The following SLC9A7 variants were observed in gnomAD, a reference collection of about 807,000 sequenced individuals.
The protein encoded by SLC9A7 is solute carrier family 9 member A7, also known as sodium/hydrogen exchanger 7.
SLC9A7 carries 19 observed loss-of-function variants against 52.6 expected under a neutral mutation model. That is an observed-to-expected ratio of 0.36 (90% CI 0.25 to 0.53). The LOEUF is 0.53. Among genes scored for constraint, SLC9A7 ranks in the 20% least tolerant of loss-of-function variants. The pLI is 0.91. For synonymous variants in SLC9A7, 226 were observed against 252.1 expected, an observed-to-expected ratio of 0.90 and a Z score of 0.98; for missense variants, 455 against 597.9, an observed-to-expected ratio of 0.76 and a Z score of 2.49.
chrX:46,711,709 A>T (rs1268759346), intron 1 of SLC9A7, among the ~76,000 whole-genome samples: 2 of 110,987 alleles, frequency 1.8e-5, no homozygotes, highest in Non-Finnish European at 3.8e-5. Context: ...TTTCCTTCAC[A>T]GAAGAGTCAG....
chrX:46,663,471 T>C (rs1444617035), intron 5 of SLC9A7, among the ~76,000 whole-genome samples: 1 of 103,774 alleles, frequency 9.6e-6, no homozygotes, highest in Non-Finnish European at 1.9e-5. Flanking sequence ...AAGCCCCGTC[T>C]CTACTAAAAA....
At chrX:46,743,494 C>T (rs73495122) in intron 1 of SLC9A7, among the ~76,000 whole-genome samples, 4 of 112,011 alleles carry the variant, frequency 3.6e-5, no homozygotes, top group African/African-American at 9.7e-5. Context: ...GCATATGTGC[C>T]GCTACATTTA....
rs1167274308 is a variant in SLC9A7 at position 46,601,906 on chromosome X, A to G, written c.*5046T>C. 1 of 112,044 alleles carries G rather than the reference A, an allele frequency of 8.9e-6. No homozygotes were observed. The highest frequency in any genetic ancestry group is 3.2e-5 in the African/African-American group (1 of 30,834). The allele number at this position is 112,044 out of a possible 1,213,427, so 9.2% of individuals were successfully genotyped here. A position where few individuals can be genotyped will look rare whatever the true frequency, so the allele number is the denominator to read the frequency against. ...CACCACCATCACCATGTGATAGCAAAGGACCACAACCTTCTACTTTGCTCC... is the reference window on the plus strand; with the variant it reads ...CACCACCATCACCATGTGATAGCAAGGGACCACAACCTTCTACTTTGCTCC... On this transcript the variant is annotated 3_prime_UTR_variant, in exon 17 of 17. Transcript: ENST00000616978.
intron 8 of SLC9A7, 71 bp from the exon 9 acceptor site, chrX:46,651,475 A>T: frequency 1.1e-6 from 1 of 881,525 alleles, no homozygotes. Flanking sequence ...ACCCTGCTAG[A>T]ACAAAAAGTT....
At chrX:46,626,377 C>T (rs1053320730) in intron 14 of SLC9A7, among the ~76,000 whole-genome samples, 47 of 111,465 alleles carry the variant, frequency 4.2e-4, no homozygotes, top group African/African-American at 1.5e-3. Context: ...CGGGATCAAG[C>T]GATTCTCCTG....
intron 12 of SLC9A7, 27 bp downstream of exon 12, chrX:46,643,209 C>A (rs199730824): frequency 8.5e-7 from 1 of 1,182,055 alleles, no homozygotes; most frequent in Admixed American, 2.2e-5. Context: ...AACTGACATA[C>A]TCAATTAGCC....
At chrX:46,680,712 A>G (rs1278202466) in intron 2 of SLC9A7, among the ~76,000 whole-genome samples, 13 of 112,772 alleles carry the variant, frequency 1.2e-4, no homozygotes, top group Non-Finnish European at 2.2e-4. Flanking sequence ...AAACATGCTA[A>G]TCTTTTTAAA....
intron 1 of SLC9A7, among the ~76,000 whole-genome samples, chrX:46,738,431 C>T (rs1921046326): frequency 8.9e-6 from 1 of 112,085 alleles, no homozygotes; most frequent in African/African-American, 3.2e-5. Flanking sequence ...AGGAATTTTT[C>T]AAGAACTGCC....
At chrX:46,673,007 G>A (rs1469234770) in intron 3 of SLC9A7, among the ~76,000 whole-genome samples, 1 of 111,838 alleles carries the variant, frequency 8.9e-6, no homozygotes, top group African/African-American at 3.3e-5. Flanking sequence ...CAGTTCTGGT[G>A]GTACCTCAGA....
At chrX:46,711,706 C>T (rs928845327) in intron 1 of SLC9A7, among the ~76,000 whole-genome samples, 3 of 110,905 alleles carry the variant, frequency 2.7e-5, no homozygotes. Flanking sequence ...CTCTTTCCTT[C>T]ACAGAAGAGT....
intron 14 of SLC9A7, among the ~76,000 whole-genome samples, chrX:46,625,713 C>CA (rs756504189): frequency 0.019 from 840 of 44,790 alleles, 13 homozygotes; most frequent in African/African-American, 0.056. Flanking sequence ...GTCTCTCTCT[C>CA]AAAAAAAAAA....
chrX:46,609,175 T>C (rs762690375), intron 16 of SLC9A7, among the ~76,000 whole-genome samples: 4 of 111,709 alleles, frequency 3.6e-5, no homozygotes, highest in Non-Finnish European at 5.6e-5. Flanking sequence ...AAACACAGGA[T>C]AACTGCAGGT....
At chrX:46,629,024 T>C (rs2146720063) in intron 14 of SLC9A7, among the ~76,000 whole-genome samples, 1 of 112,436 alleles carries the variant, frequency 8.9e-6, no homozygotes, top group East Asian at 2.8e-4. Context: ...GAAGTTTGCA[T>C]GTTTTTCCCC....
chrX:46,635,761 GA>G (rs1943309304), intron 12 of SLC9A7, 113 bp from the exon 13 acceptor site: 1 of 533,830 alleles, frequency 1.9e-6, no homozygotes, highest in African/African-American at 2.3e-5. Flanking sequence ...CTTTCAATAT[GA>G]ATCCATATCT....
chrX:46,716,805 TA>T (rs1175517651), intron 1 of SLC9A7, among the ~76,000 whole-genome samples: 1 of 112,466 alleles, frequency 8.9e-6, no homozygotes, highest in Non-Finnish European at 1.9e-5. Flanking sequence ...TTTATTTATT[TA>T]TTTTTTCCTG....
intron 13 of SLC9A7, among the ~76,000 whole-genome samples, chrX:46,633,428 C>A (rs755086313): frequency 1.1e-5 from 1 of 90,025 alleles, no homozygotes; most frequent in East Asian, 3.7e-4. Flanking sequence ...CTTTTTTTCC[C>A]CTATTCAAGG....
At chrX:46,659,317 C>T (rs2146806333) in intron 7 of SLC9A7, among the ~76,000 whole-genome samples, 1 of 100,700 alleles carries the variant, frequency 9.9e-6, no homozygotes, top group South Asian at 4.9e-4. Flanking sequence ...TGGCACAAGA[C>T]AGGGATGCCC....
chrX:46,673,726 C>T (rs1209163940), intron 3 of SLC9A7, among the ~76,000 whole-genome samples: 1 of 111,820 alleles, frequency 8.9e-6, no homozygotes, highest in Non-Finnish European at 1.9e-5. Context: ...TGAAGCATGA[C>T]CAGACAAAGG....
chrX:46,651,344 G>A lies in SLC9A7; in HGVS notation c.1208C>T (p.Ser403Leu), dbSNP rs1943576790. The A allele has an allele frequency of 5.0e-6, 6 of 1,208,332 alleles. No homozygotes were observed. The highest frequency in any genetic ancestry group is 4.5e-6 in the Non-Finnish European group (4 of 893,848). ...TQAHYTYNNL[S>L]VESRSRTKQL... ...CTTGGTTCGACTTCTTGATTCCACC[G>A]ACAGATTGTTGTAGGTGTAATGAGC... Residue 403 changes from serine to leucine, a missense_variant, in exon 9 of 17, where the codon TCG becomes TTG. Physicochemically the swap from Ser to Leu is moderately radical, Grantham distance 145. This residue lies in a region of SLC9A7 where 304 missense variants were observed against 417.8 expected (regional missense o/e 0.73). Coordinates refer to ENST00000616978, the MANE Select transcript of SLC9A7 (RefSeq NM_001257291.2).
Sources: gnomAD v4.1 joint callset for allele counts (sites outside exome capture counted in the v4.1 genomes callset) on GRCh38, gnomAD v4.1.1 for gene constraint, gnomAD v4.1.1 regional missense constraint, MANE v1.5 for transcripts, NCBI Gene and HGNC (gene_info 2026-07-23, HGNC 2026-07-21) for gene names.